Variants in AKAP5 observed in about 807,000 individuals in gnomAD.
The protein encoded by AKAP5 is A-kinase anchoring protein 5.
Under a neutral mutation model 13.8 loss-of-function variants are expected in AKAP5, and 5 were observed. The observed-to-expected ratio is 0.36, with a 90% CI of 0.19 to 0.76. AKAP5 has a LOEUF of 0.76. AKAP5 is among the 30% of genes least tolerant of loss of function. The pLI is 0.51. For missense variants in AKAP5, 406 were observed against 484.4 expected (o/e 0.84, Z 1.52); for synonymous variants, 148 against 167.2 (o/e 0.89, Z 0.89).
In AKAP5 at chr14:64,470,949, C is replaced by A. The variant is rs2078663986; in HGVS notation, c.*1271C>A. 6.0e-6 allele frequency: 1 copy of A among 166,958 alleles called. No homozygotes were observed. Among genetic ancestry groups the A allele is most frequent in the Admixed American group, 6.5e-5 (1 of 15,280 alleles). The allele number at this position is 166,958 out of a possible 1,614,324, so 10.3% of individuals were successfully genotyped here. ...TCAAAGCCAGCCTGGTAGTAATGGTCCTGGAAAATCCTAATAATCTAGTGC... is the reference window on the plus strand; with the variant it reads ...TCAAAGCCAGCCTGGTAGTAATGGTACTGGAAAATCCTAATAATCTAGTGC... On this transcript the variant is annotated 3_prime_UTR_variant, in exon 2 of 2. Coordinates refer to ENST00000394718, the MANE Select transcript of AKAP5 (RefSeq NM_004857.3).
rs1025929245 is a variant in AKAP5, at chr14:64,471,000, A to G, written c.*1322A>G. 1.2e-5 allele frequency: 2 copies of G among 167,098 alleles called. No homozygotes were observed. Among genetic ancestry groups the G allele is most frequent in the African/African-American group, 4.8e-5 (2 of 41,450 alleles). 10.4% of individuals were successfully genotyped at this position (167,098 alleles called of 1,614,324 possible). A position where few individuals can be genotyped will look rare whatever the true frequency, so the allele number is the denominator to read the frequency against. On this transcript the variant is annotated 3_prime_UTR_variant, in exon 2 of 2. Coordinates refer to ENST00000394718, the MANE Select transcript of AKAP5 (RefSeq NM_004857.3). The stretch of plus-strand genomic sequence containing the variant: ...AAATATTTATTCTCGGCCAAAAATG[A>G]GCCATGAATGTGGGTGAATAGAAAA...
Position 64,471,709 on chromosome 14 carries a change from ATGAAG to A in AKAP5, c.*2033_*2037del, listed in dbSNP as rs2078674272. The stretch of plus-strand genomic sequence containing the variant: ...GTGATTGTGTTACTACTTGAAACAG[ATGAAG>A]TAATAAAGATGAAGTATGAGATGTA... On this transcript the variant is annotated 3_prime_UTR_variant, in exon 2 of 2. Transcript: ENST00000394718. The A allele has an allele frequency of 2.5e-5, 4 of 161,050 alleles. No homozygotes were observed. Among genetic ancestry groups the A allele is most frequent in the Admixed American group, 6.8e-5 (1 of 14,776 alleles). 10.0% of individuals were successfully genotyped at this position (161,050 alleles called of 1,614,324 possible).
chr14:64,467,087 A>T (rs2078619881), intron 1 of AKAP5: 1 of 152,212 alleles, frequency 6.6e-6, no homozygotes, highest in African/African-American at 2.4e-5. Flanking sequence ...TGGTTAAATG[A>T]CCATTAATCA....
rs1285687614 is a variant in AKAP5 at position 64,468,967 on chromosome 14, T to C, written c.573T>C (p.Gly191=). The change falls in exon 2 of 2, where the codon GGT becomes GGC. Residue 191 remains glycine, a synonymous_variant. Transcript: ENST00000394718. ...GTGAAGGCATCTCACGGAAAGATGG[T>C]GATGAGGTCTGTGAATCAAATGTGA... is the stretch of plus-strand genomic sequence containing the variant. ...DLSEGISRKD[G]DEVCESNVSN... is the part of the protein sequence containing the mutation. 1.2e-6 allele frequency: 2 copies of C among 1,614,168 alleles called. No homozygotes were observed. The highest frequency in any genetic ancestry group is 1.7e-6 in the Non-Finnish European group (2 of 1,180,008).
At position 64,469,787 on chromosome 14, in the gene AKAP5, C is replaced by A; in HGVS notation, c.*109C>A. The A allele has an allele frequency of 1.2e-6, 1 of 821,488 alleles. No homozygotes were observed. Among genetic ancestry groups the A allele is most frequent in the Non-Finnish European group, 1.9e-6 (1 of 532,712 alleles). 50.9% of individuals were successfully genotyped at this position (821,488 alleles called of 1,614,324 possible). On this transcript the variant is annotated 3_prime_UTR_variant, in exon 2 of 2. Coordinates refer to ENST00000394718, the MANE Select transcript of AKAP5 (RefSeq NM_004857.3). Reference sequence around the variant, plus strand: ...AATGAGAGATTTATCATCTCTAGAACTTAAAAGGTACAATTCCAGCGCAGA... The same window carrying A: ...AATGAGAGATTTATCATCTCTAGAAATTAAAAGGTACAATTCCAGCGCAGA...
Position 64,468,539 on chromosome 14 carries a change from C to G in AKAP5, c.145C>G (p.Pro49Ala). Residue 49 changes from proline to alanine, a missense_variant, in exon 2 of 2, where the codon CCC (proline) becomes GCC (alanine). Physicochemically the swap from Pro to Ala is conservative, Grantham distance 27. Transcript: ENST00000394718. ...AAAGAAAGCAGCCAAAGCACTGAAG[C>G]CCAAAGCTGGCTCTGAAGCTGCTGA... is the stretch of plus-strand genomic sequence containing the variant. ...RRKKAAKALK[P>A]KAGSEAADVA... is the part of the protein sequence containing the mutation. 1 of 1,614,058 alleles carries G rather than the reference C, an allele frequency of 6.2e-7. No individual in the cohort carries two copies. The highest frequency in any genetic ancestry group is 2.2e-5 in the East Asian group (1 of 44,888).
In AKAP5 at chr14:64,471,154, C is replaced by CTTTTTT. The variant is rs377652418; in HGVS notation, c.*1487_*1492dup. On this transcript the variant is annotated 3_prime_UTR_variant, in exon 2 of 2. Coordinates refer to ENST00000394718, the MANE Select transcript of AKAP5 (RefSeq NM_004857.3). Reference sequence around the variant, plus strand: ...AACTTTTTCATCACTATTTTCTTTTCTTTTTTTTTTTTTTTTGAGATGGAG... The same window carrying CTTTTTT: ...AACTTTTTCATCACTATTTTCTTTTCTTTTTTTTTTTTTTTTTTTTTTGAGATGGAG... 2.9e-5 allele frequency: 4 copies of CTTTTTT among 136,762 alleles called. No homozygotes were observed. Among genetic ancestry groups the CTTTTTT allele is most frequent in the Non-Finnish European group, 4.9e-5 (3 of 61,728 alleles). The allele number at this position is 136,762 out of a possible 1,614,324, so 8.5% of individuals were successfully genotyped here.
chr14:64,468,388 T>C lies in AKAP5; in HGVS notation c.-7T>C. 3 of 1,594,188 alleles carry C rather than the reference T, an allele frequency of 1.9e-6. No homozygotes were observed. On this transcript the variant is annotated 5_prime_UTR_variant, in exon 2 of 2. Coordinates refer to ENST00000394718, the MANE Select transcript of AKAP5 (RefSeq NM_004857.3). ...AGTTTTCTAGAGAATAAGAGTGCAGTGTAAAAATGGAAACCACAATTTCAG... is the reference window on the plus strand; with the variant it reads ...AGTTTTCTAGAGAATAAGAGTGCAGCGTAAAAATGGAAACCACAATTTCAG...
chr14:64,469,565 C>A lies in AKAP5; in HGVS notation c.1171C>A (p.Leu391Ile). ...EDRTSEQYET[L>I]LIETASSLVK... ...TAGAACTTCAGAACAATATGAAACA[C>A]TCTTAATTGAAACAGCCTCTTCTCT... The change falls in exon 2 of 2, where the codon CTC becomes ATC. Residue 391 changes from leucine (L) to isoleucine (I), a missense_variant. By Grantham distance (5) the Leu-to-Ile change is conservative. Transcript: ENST00000394718. 2 of 1,613,816 alleles carry A rather than the reference C, an allele frequency of 1.2e-6. No homozygotes were observed. The highest frequency in any genetic ancestry group is 1.7e-6 in the Non-Finnish European group (2 of 1,179,868).
chr14:64,469,618 A>T lies in AKAP5; in HGVS notation c.1224A>T (p.Ile408=). 1 of 1,609,226 alleles carries T rather than the reference A, an allele frequency of 6.2e-7. No individual in the cohort carries two copies. Among genetic ancestry groups the T allele is most frequent in the East Asian group, 2.2e-5 (1 of 44,852 alleles). The change falls in exon 2 of 2, where the codon ATA becomes ATT. Residue 408 remains isoleucine (I), a synonymous_variant. Coordinates refer to ENST00000394718, the MANE Select transcript of AKAP5 (RefSeq NM_004857.3). The part of the protein sequence containing the change: ...SLVKNAIQLS[I]EQLVNEMASD... Reference sequence around the variant, plus strand: ...TCAAGAATGCTATTCAGTTGTCAATAGAACAGCTGGTTAATGAAATGGCCT... The same window carrying T: ...TCAAGAATGCTATTCAGTTGTCAATTGAACAGCTGGTTAATGAAATGGCCT...
intron 1 of AKAP5, among the ~76,000 whole-genome samples, chr14:64,466,744 A>C (rs1362327059): frequency 6.6e-6 from 1 of 152,214 alleles, no homozygotes; most frequent in Non-Finnish European, 1.5e-5. Flanking sequence ...ACCCAAATGA[A>C]ACTTCAGTGA....
In AKAP5 at chr14:64,470,456, G is replaced by GGT. The variant is rs1343486704; in HGVS notation, c.*780_*781dup. 1 of 157,578 alleles carries GGT rather than the reference G, an allele frequency of 6.3e-6. No homozygotes were observed. The highest frequency in any genetic ancestry group is 1.9e-4 in the East Asian group (1 of 5,196). 9.8% of individuals were successfully genotyped at this position (157,578 alleles called of 1,614,324 possible). On this transcript the variant is annotated 3_prime_UTR_variant, in exon 2 of 2. Transcript: ENST00000394718. ...AATACAAAAATTAGCTGGGCGTGGT[G>GGT]GTGCACGCCTGTAATCCCAGCTACT...
Position 64,469,894 on chromosome 14 carries a change from T to G in AKAP5, c.*216T>G, listed in dbSNP as rs565054078. 1 of 439,454 alleles carries G rather than the reference T, an allele frequency of 2.3e-6. No homozygotes were observed. The highest frequency in any genetic ancestry group is 4.9e-5 in the South Asian group (1 of 20,316). The allele number at this position is 439,454 out of a possible 1,614,324, so 27.2% of individuals were successfully genotyped here. On this transcript the variant is annotated 3_prime_UTR_variant, in exon 2 of 2. Coordinates refer to ENST00000394718, the MANE Select transcript of AKAP5 (RefSeq NM_004857.3). ...TGGATTGGAGGAAGTCAGCACAGAT[T>G]GCAGTGTAAAATGACATAACATACA... is the stretch of plus-strand genomic sequence containing the variant.
Position 64,469,661 on chromosome 14 carries a change from A to G in AKAP5, c.1267A>G (p.Asn423Asp). ...AATGGCCTCTGATGATAATAAAATA[A>G]ACAATCTTCTACAGTGACTTACTCT... Reference protein sequence around the residue: ...NEMASDDNKINNLLQ With the variant: ...NEMASDDNKIDNLLQ The change falls in exon 2 of 2, where the codon AAC becomes GAC. Residue 423 changes from asparagine (N) to aspartate (D), a missense_variant. Transcript: ENST00000394718. The G allele has an allele frequency of 2.5e-6, 4 of 1,588,454 alleles. No individual in the cohort carries two copies. The highest frequency in any genetic ancestry group is 3.4e-6 in the Non-Finnish European group (4 of 1,171,062).
In AKAP5 at chr14:64,468,738, A is replaced by T. The variant is rs759562097; in HGVS notation, c.344A>T (p.Asp115Val). The change falls in exon 2 of 2, where the codon GAT becomes GTT. Residue 115 changes from aspartate (D) to valine (V), a missense_variant. Coordinates refer to ENST00000394718, the MANE Select transcript of AKAP5 (RefSeq NM_004857.3). ...CCTGCAATAAATGCTGAGGATGCTG[A>T]TCTTTCTAAGAAAAAGGCAAAATCT... ...MQPAINAEDA[D>V]LSKKKAKSRL... is the part of the protein sequence containing the mutation. The T allele has an allele frequency of 4.3e-6, 7 of 1,614,118 alleles. No homozygotes were observed. In the African/African-American group the frequency reaches 9.3e-5, roughly 22 times the overall value.
At position 64,469,284 on chromosome 14, in the gene AKAP5, C is replaced by T. The variant is rs370099933; in HGVS notation, c.890C>T (p.Thr297Ile). ...CCAAATGGAAAAGACTATGAAAGTA[C>T]AGAGATTGTAGCTGAAGAAACTAAG... ...SAPNGKDYES[T>I]EIVAEETKPK... is the part of the protein sequence containing the mutation. The change falls in exon 2 of 2, where the codon ACA becomes ATA. Residue 297 changes from threonine (T) to isoleucine (I), a missense_variant. By Grantham distance (89) the Thr-to-Ile change is moderately conservative (BLOSUM62 -1). Coordinates refer to ENST00000394718, the MANE Select transcript of AKAP5 (RefSeq NM_004857.3). The T allele has an allele frequency of 9.3e-6, 15 of 1,613,140 alleles. No individual in the cohort carries two copies. The highest frequency in any genetic ancestry group is 6.7e-5 in the African/African-American group (5 of 74,792).
chr14:64,469,260 C>T lies in AKAP5; in HGVS notation c.866C>T (p.Pro289Leu). The change falls in exon 2 of 2, where the codon CCA becomes CTA. Residue 289 changes from proline to leucine, a missense_variant. Physicochemically the swap from Pro to Leu is moderately conservative, Grantham distance 98. Transcript: ENST00000394718. Reference protein sequence around the residue: ...EASNSTLESAPNGKDYESTEI... With the variant: ...EASNSTLESALNGKDYESTEI... The stretch of plus-strand genomic sequence containing the variant: ...AGTAACAGTACCCTAGAAAGTGCAC[C>T]AAATGGAAAAGACTATGAAAGTACA... 6.2e-7 allele frequency: 1 copy of T among 1,613,454 alleles called. No homozygotes were observed. The highest frequency in any genetic ancestry group is 1.1e-5 in the South Asian group (1 of 90,988).
intron 1 of AKAP5, among the ~76,000 whole-genome samples, chr14:64,465,957 C>G (rs1044508343): frequency 2.6e-5 from 4 of 152,150 alleles, no homozygotes; most frequent in Non-Finnish European, 5.9e-5. Flanking sequence ...GTTATCTGTT[C>G]CACGCCCCCG....
chr14:64,469,586 TCTC>T lies in AKAP5; in HGVS notation c.1193_1195del (p.Ser398del). Reference sequence around the variant, plus strand: ...AACACTCTTAATTGAAACAGCCTCTTCTCTAGTCAAGAATGCTATTCAGTTGTC... The same window carrying T: ...AACACTCTTAATTGAAACAGCCTCTTTAGTCAAGAATGCTATTCAGTTGTC... On this transcript the variant is annotated inframe_deletion, in exon 2 of 2. Coordinates refer to ENST00000394718, the MANE Select transcript of AKAP5 (RefSeq NM_004857.3). 6.2e-7 allele frequency: 1 copy of T among 1,613,748 alleles called. No homozygotes were observed. The highest frequency in any genetic ancestry group is 8.5e-7 in the Non-Finnish European group (1 of 1,179,824).
Sources: gnomAD v4.1 joint callset for allele counts (sites outside exome capture counted in the v4.1 genomes callset) on GRCh38, gnomAD v4.1.1 for gene constraint, MANE v1.5 for transcripts, NCBI Gene and HGNC (gene_info 2026-07-23, HGNC 2026-07-21) for gene names.